Variants in NAV1 observed in about 807,000 individuals in gnomAD.
The protein encoded by NAV1 is pore membrane and/or filament interacting like protein 3.
NAV1 carries 18 observed loss-of-function variants against 175.2 expected under a neutral mutation model. That is an observed-to-expected ratio of 0.10 (90% CI 0.07 to 0.15). The LOEUF (loss-of-function observed/expected upper bound fraction) is 0.15. Ranked by LOEUF, NAV1 falls within the 10% of genes least tolerant of loss-of-function variation. The pLI, the probability that NAV1 is intolerant of heterozygous loss-of-function variation, is 1.00. For synonymous variants in NAV1, 897 were observed against 978.7 expected, an observed-to-expected ratio of 0.92 and a Z score of 1.56; for missense variants, 1,731 against 2,436.6, an observed-to-expected ratio of 0.71 and a Z score of 6.10.
At chr1:201,555,801 G>A (rs1665992694) in intron 1 of NAV1, among the ~76,000 whole-genome samples, 1 of 149,866 alleles carries the variant, frequency 6.7e-6, no homozygotes, top group Non-Finnish European at 1.5e-5. Context: ...GGGAGGGGCA[G>A]TGGGGATTCG....
rs1678384471 is a variant in NAV1, at chr1:201,807,651, T to G, written c.3649-302T>G. 6.6e-6 allele frequency among the ~76,000 whole-genome samples: 1 copy of G among 152,182 alleles called. No individual in the cohort carries two copies. Among genetic ancestry groups the G allele is most frequent in the Non-Finnish European group, 1.5e-5 (1 of 68,024 alleles). ...ATCAGCAAGCTAGAAGATTCTGTTC[T>G]TTCTCTTGGTCCTAATTTCCTTTCT... On this transcript the variant is annotated intron_variant, in intron 17 of 29. Coordinates refer to ENST00000367296, the Ensembl canonical transcript of NAV1. The surrounding 1 kb of genome is among the most constrained non-coding windows in gnomAD (Gnocchi z 5.4).
chr1:201,728,195 C>T (rs1428214344), intron 3 of NAV1, among the ~76,000 whole-genome samples: 1 of 152,004 alleles, frequency 6.6e-6, no homozygotes, highest in East Asian at 1.9e-4. Context: ...AATCAGGGCT[C>T]GTGGCAGCCT....
chr1:201,608,914 G>T (rs1667768624), intron 2 of NAV1, among the ~76,000 whole-genome samples: 1 of 152,208 alleles, frequency 6.6e-6, no homozygotes, highest in African/African-American at 2.4e-5. Flanking sequence ...TGGCTCTGAG[G>T]GAGGCTGCTG....
chr1:201,808,219 G>A lies in NAV1; in HGVS notation c.3845+70G>A. ...AAGCTGTGGGCTAGAGTTGACAGGA[G>A]GCCATTAGACCTTAGACAAGCAGTA... On this transcript the variant is annotated intron_variant, in intron 18 of 29. Coordinates refer to ENST00000367296, the Ensembl canonical transcript of NAV1. The surrounding 1 kb of genome is among the most constrained non-coding windows in gnomAD (Gnocchi z 5.5). 6.4e-7 allele frequency: 1 copy of A among 1,561,356 alleles called. No homozygotes were observed. Among genetic ancestry groups the A allele is most frequent in the Non-Finnish European group, 8.8e-7 (1 of 1,139,506 alleles).
intron 3 of NAV1, among the ~76,000 whole-genome samples, chr1:201,725,107 G>C (rs1672546064): frequency 5.3e-5 from 8 of 152,174 alleles, no homozygotes; most frequent in Admixed American, 5.2e-4. Context: ...GCTCATGTCT[G>C]ACTCTCAGAC....
intron 1 of NAV1, among the ~76,000 whole-genome samples, chr1:201,712,182 G>C (rs886690881): frequency 6.6e-6 from 1 of 152,110 alleles, no homozygotes; most frequent in African/African-American, 2.4e-5. Flanking sequence ...TAACTTCCTG[G>C]GACCCCATAG....
At chr1:201,648,969 G>A (rs749774553) in exon 1 of NAV1, 3 of 1,613,230 alleles carry the variant, frequency 1.9e-6, no homozygotes, top group Admixed American at 3.3e-5. Flanking sequence ...CACGGACTCC[G>A]AGAAAAAGCT....
At chr1:201,642,082 C>T (rs1482537586) in intron 2 of NAV1, among the ~76,000 whole-genome samples, 2 of 147,798 alleles carry the variant, frequency 1.4e-5, no homozygotes, top group Non-Finnish European at 3.0e-5. Context: ...CTTCCTCCCT[C>T]CCTCCCTCCT....
chr1:201,676,499 A>G (rs1472336309), intron 1 of NAV1, among the ~76,000 whole-genome samples: 2 of 152,128 alleles, frequency 1.3e-5, no homozygotes, highest in African/African-American at 4.8e-5. Context: ...GGGAGGAGTC[A>G]GGGAGCCTCA....
At chr1:201,730,671 C>T (rs1229530116) in intron 3 of NAV1, among the ~76,000 whole-genome samples, 2 of 152,216 alleles carry the variant, frequency 1.3e-5, no homozygotes, top group African/African-American at 4.8e-5. Context: ...CTCCATCTTC[C>T]AGGATAGAGT....
chr1:201,681,116 A>T (rs1670447386), intron 1 of NAV1, among the ~76,000 whole-genome samples: 2 of 152,204 alleles, frequency 1.3e-5, no homozygotes, highest in South Asian at 2.1e-4. Context: ...AGCTGAGACC[A>T]TGTCACTCCC....
intron 1 of NAV1, among the ~76,000 whole-genome samples, chr1:201,693,459 G>A (rs962962449): frequency 6.6e-6 from 1 of 152,234 alleles, no homozygotes; most frequent in Non-Finnish European, 1.5e-5. Context: ...CCAGTGCTGC[G>A]AGGGTGTGGA....
chr1:201,626,851 A>G (rs1250595379), intron 1 of NAV1, among the ~76,000 whole-genome samples: 4 of 152,208 alleles, frequency 2.6e-5, no homozygotes, highest in Non-Finnish European at 1.5e-5. Context: ...TCTGGCATAC[A>G]GAGTGCTGTC....
exon 12 of NAV1, chr1:201,790,555 C>T: frequency 6.2e-7 from 1 of 1,614,080 alleles, no homozygotes; most frequent in Non-Finnish European, 8.5e-7. Flanking sequence ...CTTCTTCAGG[C>T]TGAGGAGAGG....
intron 3 of NAV1, among the ~76,000 whole-genome samples, chr1:201,765,250 T>G (rs1675125714): frequency 6.6e-6 from 1 of 152,188 alleles, no homozygotes; most frequent in Admixed American, 6.5e-5. Flanking sequence ...TGTCAGTCAC[T>G]ATAACTGAGT....
chr1:201,563,499 G>A (rs570375440), intron 1 of NAV1, among the ~76,000 whole-genome samples: 21 of 151,994 alleles, frequency 1.4e-4, no homozygotes, highest in African/African-American at 5.1e-4. Context: ...GTACAGCAAG[G>A]AAAGCCTGCA....
chr1:201,708,930 C>T (rs1167544261), intron 1 of NAV1, among the ~76,000 whole-genome samples: 6 of 152,140 alleles, frequency 3.9e-5, no homozygotes, highest in Admixed American at 3.9e-4. Context: ...AGAAGGATAG[C>T]TTGAGCTCAG....
In NAV1 at chr1:201,694,427, A is replaced by G. The variant is rs1482150027; in HGVS notation, c.758-18390A>G. ...GTGCCCCCTTTGCGTCCTCTGGCTC[A>G]TTAAAGATAGATGACCCTGGGGAGG... On this transcript the variant is annotated intron_variant, in intron 1 of 29. Transcript: ENST00000367296. This position sits in a 1 kb window ranked among gnomAD's most constrained non-coding sequence, Gnocchi z 4.2. 1.3e-5 allele frequency among the ~76,000 whole-genome samples: 2 copies of G among 152,138 alleles called. No individual in the cohort carries two copies. Among genetic ancestry groups the G allele is most frequent in the African/African-American group, 2.4e-5 (1 of 41,418 alleles).
chr1:201,820,910 G>GT (rs1278449726), exon 30 of NAV1: 1 of 151,286 alleles, frequency 6.6e-6, no homozygotes, highest in Non-Finnish European at 1.5e-5. Context: ...TTCCAAGTGG[G>GT]TTTTCTTTGG....
Sources: allele counts gnomAD v4.1 joint callset (sites outside exome capture counted in the v4.1 genomes callset), GRCh38; gene constraint gnomAD v4.1.1; non-coding constraint Gnocchi (gnomAD v3.1); transcripts MANE v1.5; gene names NCBI Gene and HGNC (gene_info 2026-07-23, HGNC 2026-07-21).